ATP13A4: variants seen among roughly 807,000 people sequenced by gnomAD.
ATP13A4 encodes ATPase 13A4.
A neutral mutation model predicts 142.5 loss-of-function variants in ATP13A4; 114 were observed. The observed-to-expected ratio is 0.80, with a 90% CI of 0.69 to 0.93. The LOEUF (loss-of-function observed/expected upper bound fraction) is 0.93, where lower values mean the gene tolerates loss of function less well. ATP13A4 is among the 40% of genes least tolerant of loss of function. The pLI is 0.00. For synonymous variants in ATP13A4, 488 were observed against 514.8 expected (o/e 0.95, Z 0.70); for missense variants, 1,392 against 1,454.0 (o/e 0.96, Z 0.69).
intron 8 of ATP13A4, among the ~76,000 whole-genome samples, chr3:193,476,669 AACAT>A (rs1718983228): frequency 1.3e-5 from 2 of 152,020 alleles, no homozygotes; most frequent in South Asian, 4.1e-4. Context: ...GAAAATCAGA[AACAT>A]GTAACTCTTC....
In ATP13A4 at chr3:193,493,071, A is replaced by G; in HGVS notation, c.452+19T>C. ...GATAACATTTTTCTTCTTTGGCTGT[A>G]CTTGCTAAAACAACTTACCCAATTT... On this transcript the variant is annotated intron_variant, in intron 4 of 29. Transcript: ENST00000342695. 6.2e-7 allele frequency: 1 copy of G among 1,611,114 alleles called. No homozygotes were observed. The highest frequency in any genetic ancestry group is 2.2e-5 in the East Asian group (1 of 44,748).
intron 14 of ATP13A4, among the ~76,000 whole-genome samples, chr3:193,457,917 T>C (rs570825076): frequency 2.6e-5 from 4 of 152,344 alleles, no homozygotes; most frequent in East Asian, 1.9e-4. Context: ...GACTGTGATA[T>C]ACATGGTTAA....
chr3:193,492,158 G>A (rs1337648949), intron 5 of ATP13A4, among the ~76,000 whole-genome samples: 1 of 152,102 alleles, frequency 6.6e-6, no homozygotes, highest in African/African-American at 2.4e-5. Context: ...GATGAAAAGT[G>A]GTCTGAGATC....
chr3:193,405,460 A>C (rs540040743), intron 29 of ATP13A4, among the ~76,000 whole-genome samples: 63 of 152,290 alleles, frequency 4.1e-4, no homozygotes, highest in Non-Finnish European at 7.6e-4. Flanking sequence ...GTTTCTCAAG[A>C]AAAGGTTCAG....
At chr3:193,555,504 A>T (rs2108733248), upstream of ATP13A4, among the ~76,000 whole-genome samples, 1 of 152,374 alleles carries the variant, frequency 6.6e-6, no homozygotes, top group Admixed American at 6.5e-5. Context: ...GTATCATCAA[A>T]CTAGTCTATG....
chr3:193,490,235 T>A (rs921773066), intron 6 of ATP13A4, among the ~76,000 whole-genome samples: 11 of 152,218 alleles, frequency 7.2e-5, no homozygotes, highest in African/African-American at 2.7e-4. Context: ...CCTCACTTTA[T>A]AATTTACAAA....
At chr3:193,534,565 T>C (rs1279790738) in intron 1 of ATP13A4, among the ~76,000 whole-genome samples, 1 of 152,006 alleles carries the variant, frequency 6.6e-6, no homozygotes, top group Non-Finnish European at 1.5e-5. Flanking sequence ...AACTAAATAA[T>C]ACACTACCTG....
At chr3:193,508,685 A>G (rs1720981802) in intron 2 of ATP13A4, among the ~76,000 whole-genome samples, 2 of 152,178 alleles carry the variant, frequency 1.3e-5, no homozygotes, top group South Asian at 4.1e-4. Context: ...CTAATGAAAG[A>G]CCAGGTTGAA....
rs1037958052 is a variant in ATP13A4, at chr3:193,577,123, A to G, written n.291+4584T>C. Reference sequence around the variant, plus strand: ...AGAGGCCTCCTGGTTTTAGTCTTCCACCTATAACCAACACCACATCCACTG... The same window carrying G: ...AGAGGCCTCCTGGTTTTAGTCTTCCGCCTATAACCAACACCACATCCACTG... On this transcript the variant is annotated intron_variant and non_coding_transcript_variant, in intron 2 of 3. Coordinates refer to the ATP13A4 transcript ENST00000489140. 7.2e-5 allele frequency among the ~76,000 whole-genome samples: 11 copies of G among 152,216 alleles called. No homozygotes were observed. The East Asian group carries it at 1.2e-3, about 16-fold the overall frequency.
At chr3:193,413,306 G>A (rs907761511) in intron 26 of ATP13A4, among the ~76,000 whole-genome samples, 11 of 152,102 alleles carry the variant, frequency 7.2e-5, no homozygotes, top group African/African-American at 2.4e-4. Context: ...ATCTTCGTAA[G>A]CTGAGAATGT....
At chr3:193,414,846 A>G in intron 25 of ATP13A4, 96 bp from the exon 26 acceptor site, 1 of 1,216,958 alleles carries the variant, frequency 8.2e-7, no homozygotes, top group Non-Finnish European at 1.2e-6. Flanking sequence ...ACATTTGAGG[A>G]AATGGACAAA....
At chr3:193,449,563 C>A (rs1358295805) in intron 17 of ATP13A4, among the ~76,000 whole-genome samples, 1 of 152,152 alleles carries the variant, frequency 6.6e-6, no homozygotes, top group African/African-American at 2.4e-5. Flanking sequence ...CATTTAAATC[C>A]CTCTATGATC....
At chr3:193,585,637 C>T (rs190315450) in intron 1 of ATP13A4, among the ~76,000 whole-genome samples, 25 of 152,106 alleles carry the variant, frequency 1.6e-4, no homozygotes, top group African/African-American at 5.3e-4. Flanking sequence ...TTGAGTTCAG[C>T]GCGTCTGTTA....
At chr3:193,485,576 A>T (rs1719562208) in intron 7 of ATP13A4, among the ~76,000 whole-genome samples, 1 of 152,186 alleles carries the variant, frequency 6.6e-6, no homozygotes. Flanking sequence ...AAATAAAAAA[A>T]GAAATACGAT....
At chr3:193,431,815 T>A (rs1347810815) in intron 25 of ATP13A4, among the ~76,000 whole-genome samples, 1 of 151,710 alleles carries the variant, frequency 6.6e-6, no homozygotes, top group Non-Finnish European at 1.5e-5. Flanking sequence ...TATATGTATA[T>A]TCAAACTGTT....
At chr3:193,573,276 CAT>C (rs1553862244) in intron 2 of ATP13A4, among the ~76,000 whole-genome samples, 7 of 77,832 alleles carry the variant, frequency 9.0e-5, no homozygotes, top group African/African-American at 1.3e-4. Context: ...TATATATATA[CAT>C]ATATATATAT....
chr3:193,509,933 C>T (rs1721054707), intron 2 of ATP13A4, among the ~76,000 whole-genome samples: 1 of 152,180 alleles, frequency 6.6e-6, no homozygotes, highest in Non-Finnish European at 1.5e-5. Flanking sequence ...AGTGCCTATG[C>T]CAATGTCTGG....
intron 1 of ATP13A4, among the ~76,000 whole-genome samples, chr3:193,518,268 C>T (rs986849964): frequency 6.6e-6 from 1 of 152,192 alleles, no homozygotes; most frequent in African/African-American, 2.4e-5. Flanking sequence ...AGATTTAATA[C>T]AGCACTTCAA....
At chr3:193,521,411 A>T (rs150974522) in intron 1 of ATP13A4, among the ~76,000 whole-genome samples, 233 of 152,274 alleles carry the variant, frequency 1.5e-3, no homozygotes, top group African/African-American at 5.4e-3. Flanking sequence ...AGGAAAGGGC[A>T]CTCCAAGTGG....
Sources: allele counts gnomAD v4.1 joint callset (sites outside exome capture counted in the v4.1 genomes callset), GRCh38; gene constraint gnomAD v4.1.1; transcripts MANE v1.5; gene names NCBI Gene and HGNC (gene_info 2026-07-23, HGNC 2026-07-21).